The following TAF1 variants were observed in gnomAD, a reference collection of about 807,000 sequenced individuals.
TAF1 encodes TATA-box binding protein associated factor 1.
In TAF1, 2 loss-of-function variants were observed where a neutral mutation model predicts 138.5. That is an observed-to-expected ratio of 0.01 (90% CI 0.01 to 0.05). The LOEUF is 0.05. TAF1 is among the 10% of genes least tolerant of loss of function. The pLI is 1.00. For synonymous variants in TAF1, 437 were observed against 503.2 expected, an observed-to-expected ratio of 0.87 and a Z score of 1.76; for missense variants, 709 against 1,478.0, an observed-to-expected ratio of 0.48 and a Z score of 8.53.
At chrX:71,508,084 CTCTATATATA>C (rs1217466162) in intron 13 of TAF1, among the ~76,000 whole-genome samples, 1 of 94,783 alleles carries the variant, frequency 1.1e-5, no homozygotes, top group African/African-American at 4.1e-5. Context: ...CTCTCTCTCT[CTCTATATATA>C]TATATATATA....
chrX:71,389,761 C>A, intron 18 of TAF1, 96 bp downstream of exon 18: 1 of 681,547 alleles, frequency 1.5e-6, no homozygotes, highest in Non-Finnish European at 2.2e-6. Context: ...ATAAACTGTA[C>A]ACATTTAAAG....
downstream of TAF1, among the ~76,000 whole-genome samples, chrX:71,467,721 A>G (rs989240150): frequency 1.8e-5 from 2 of 111,806 alleles, no homozygotes; most frequent in Admixed American, 9.6e-5. Context: ...TAGTATGCCT[A>G]TTTTTACAGA....
At chrX:71,433,688 C>T (rs2037001382) in intron 32 of TAF1, among the ~76,000 whole-genome samples, 1 of 111,197 alleles carries the variant, frequency 9.0e-6, no homozygotes, top group African/African-American at 3.3e-5. Context: ...ATAAAAACAT[C>T]TATCTGCAGG....
chrX:71,399,253 CTTTT>C (rs1159549890), intron 24 of TAF1, among the ~76,000 whole-genome samples: 11 of 70,342 alleles, frequency 1.6e-4, no homozygotes, highest in African/African-American at 6.3e-4. Flanking sequence ...CATTTATTCT[CTTTT>C]TTTTTTTTTT....
intron 21 of TAF1, 54 bp from the exon 22 acceptor site, chrX:71,394,013 G>T: frequency 9.0e-7 from 1 of 1,105,562 alleles, no homozygotes; most frequent in African/African-American, 1.8e-5. Context: ...TTTTACTTTT[G>T]CCTGCAACCA....
chrX:71,471,318 TA>T (rs1210578907), intron 13 of TAF1, among the ~76,000 whole-genome samples: 1,562 of 84,846 alleles, frequency 0.018, 46 homozygotes, highest in African/African-American at 0.068. Flanking sequence ...AGACTCCGTC[TA>T]AAAAAAAAAA....
At chrX:71,397,179 C>A in intron 22 of TAF1, 74 bp from the exon 23 acceptor site, 5 of 1,061,689 alleles carry the variant, frequency 4.7e-6, no homozygotes, top group Non-Finnish European at 6.4e-6. Flanking sequence ...TTTGATAGCT[C>A]CACTCAATCC....
At chrX:71,391,133 C>T (rs931806371) in intron 18 of TAF1, among the ~76,000 whole-genome samples, 4 of 111,856 alleles carry the variant, frequency 3.6e-5, no homozygotes, top group Non-Finnish European at 5.6e-5. Context: ...TGCCTGGCCT[C>T]TACTTTCTTC....
intron 12 of TAF1, among the ~76,000 whole-genome samples, 197 bp from the exon 13 acceptor site, chrX:71,383,765 C>A (rs985374299): frequency 8.9e-6 from 1 of 112,182 alleles, no homozygotes; most frequent in Non-Finnish European, 1.9e-5. Context: ...GTTGAAATCA[C>A]GGATGCAGAA....
Position 71,366,383 on chromosome X carries a change from C to G in TAF1, c.9C>G (p.Asp3Glu), listed in dbSNP as rs773452844. The G allele has an allele frequency of 8.3e-7, 1 of 1,210,978 alleles. No individual in the cohort carries two copies. The highest frequency in any genetic ancestry group is 1.1e-6 in the Non-Finnish European group (1 of 895,411). MS[D>E]TDSDEDSAGG... The stretch of plus-strand genomic sequence containing the variant: ...TCACTGCTGCCGCCATCATGTCAGA[C>G]ACGGACAGCGACGAAGATTCCGCTG... Residue 3 changes from aspartate (D) to glutamate (E), a missense_variant, in exon 1 of 38, where the codon GAC (aspartate) becomes GAG (glutamate). By Grantham distance (45) the Asp-to-Glu change is conservative. This residue lies in a region of TAF1 where 123 missense variants were observed against 161.6 expected (regional missense o/e 0.76). Coordinates refer to ENST00000423759, the MANE Select transcript of TAF1 (RefSeq NM_004606.5).
chrX:71,409,180 A>G (rs1340512445), intron 28 of TAF1, among the ~76,000 whole-genome samples: 1 of 111,125 alleles, frequency 9.0e-6, no homozygotes, highest in Non-Finnish European at 1.9e-5. Flanking sequence ...ACAAAGAGGA[A>G]GAAATCTGTT....
intron 32 of TAF1, among the ~76,000 whole-genome samples, chrX:71,437,120 A>T (rs2037183396): frequency 9.0e-6 from 1 of 111,548 alleles, no homozygotes; most frequent in African/African-American, 3.3e-5. Flanking sequence ...TAGGTAATTT[A>T]AAAGTTTTTA....
chrX:71,471,348 C>T (rs6625792), intron 13 of TAF1, among the ~76,000 whole-genome samples: 182 of 99,417 alleles, frequency 1.8e-3, no homozygotes, highest in East Asian at 7.7e-3. Context: ...TATATATATA[C>T]ACACACACAC....
At chrX:71,428,011 A>ATT (rs779199962) in intron 32 of TAF1, among the ~76,000 whole-genome samples, 13 of 74,449 alleles carry the variant, frequency 1.7e-4, no homozygotes, top group African/African-American at 2.2e-4. Flanking sequence ...GATTAGCTCA[A>ATT]TTTTTTTTTT....
Position 71,367,485 on chromosome X carries a change from T to C in TAF1, c.121-14T>C. 1 of 1,210,402 alleles carries C rather than the reference T, an allele frequency of 8.3e-7. No homozygotes were observed. ...TTTAGTTGTTATCTTCGACTCGTGC[T>C]GTCCCTTTTTCAGGAATGTAAGAAG... On this transcript the variant is annotated splice_polypyrimidine_tract_variant and intron_variant, in intron 1 of 37. Transcript: ENST00000423759.
intron 3 of TAF1, among the ~76,000 whole-genome samples, chrX:71,370,641 C>T (rs2032983760): frequency 9.0e-6 from 1 of 111,560 alleles, no homozygotes; most frequent in Non-Finnish European, 1.9e-5. Flanking sequence ...TGAGCCACCC[C>T]GCCTGGCCTG....
chrX:71,407,435 G>A, intron 26 of TAF1, 139 bp from the exon 27 acceptor site: 1 of 492,946 alleles, frequency 2.0e-6, no homozygotes. Flanking sequence ...CCAGGCTGGT[G>A]TTGAACTCTT....
chrX:71,412,799 G>A (rs989721099), intron 28 of TAF1, among the ~76,000 whole-genome samples: 2 of 112,376 alleles, frequency 1.8e-5, no homozygotes, highest in African/African-American at 6.5e-5. Context: ...TGTTAGCCAG[G>A]TTGGTCTTGA....
chrX:71,436,164 C>T (rs1343765804), intron 32 of TAF1, among the ~76,000 whole-genome samples: 1 of 102,517 alleles, frequency 9.8e-6, no homozygotes, highest in African/African-American at 3.6e-5. Flanking sequence ...CCTCCCACCT[C>T]AGCCTCCCAA....
Sources: allele counts gnomAD v4.1 joint callset (sites outside exome capture counted in the v4.1 genomes callset), GRCh38; gene constraint gnomAD v4.1.1; regional missense constraint gnomAD v4.1.1; transcripts MANE v1.5; gene names NCBI Gene and HGNC (gene_info 2026-07-23, HGNC 2026-07-21).